PCF11: variants seen among roughly 807,000 people sequenced by gnomAD.
The protein encoded by PCF11 is PCF11 cleavage and polyadenylation factor subunit, also known as pre-mRNA cleavage complex 2 protein Pcf11.
Under a neutral mutation model 166.1 loss-of-function variants are expected in PCF11, and 19 were observed. The ratio of observed to expected loss-of-function variants is 0.11; its 90% CI spans 0.08 to 0.17. The LOEUF is 0.17. PCF11 is among the 10% of genes least tolerant of loss of function. The pLI is 1.00. For missense variants in PCF11, 1,565 were observed against 1,855.5 expected (o/e 0.84, Z 2.88); for synonymous variants, 663 against 644.1 (o/e 1.03, Z -0.44).
intron 9 of PCF11, among the ~76,000 whole-genome samples, chr11:83,175,545 G>C (rs1829976479): frequency 6.6e-6 from 1 of 152,168 alleles, no homozygotes. Context: ...GGAGTCAGGA[G>C]ATCAGGACCA....
At chr11:83,163,000 C>T (rs1204851211) in intron 2 of PCF11, among the ~76,000 whole-genome samples, 1 of 152,156 alleles carries the variant, frequency 6.6e-6, no homozygotes, top group Non-Finnish European at 1.5e-5. Context: ...GTCTTGAACT[C>T]CCTCAGGTGA....
At chr11:83,174,642 TTAGG>T (rs1390268739) in intron 9 of PCF11, among the ~76,000 whole-genome samples, 2 of 152,120 alleles carry the variant, frequency 1.3e-5, no homozygotes, top group African/African-American at 2.4e-5. Flanking sequence ...CATATCAATC[TTAGG>T]TAGGAACTAT....
At chr11:83,184,542 T>C (rs1386444578) in intron 15 of PCF11, 137 bp from the exon 16 acceptor site, 3 of 633,806 alleles carry the variant, frequency 4.7e-6, no homozygotes, top group African/African-American at 3.8e-5. Context: ...GCACATTTTG[T>C]TGGGAGGCAG....
exon 8 of PCF11, chr11:83,168,649 G>A (rs1565155327): frequency 6.2e-7 from 1 of 1,613,794 alleles, no homozygotes; most frequent in Non-Finnish European, 8.5e-7. Context: ...GATTTTTGAA[G>A]GACCCAATAA....
chr11:83,178,694 T>A (rs1000471531), intron 11 of PCF11, among the ~76,000 whole-genome samples: 1 of 151,510 alleles, frequency 6.6e-6, no homozygotes, highest in Non-Finnish European at 1.5e-5. Context: ...GTGCCTGTAG[T>A]CCCAGCTACT....
rs1192988670 is a variant in PCF11, at chr11:83,169,472, C to T, written c.3137C>T (p.Pro1046Leu). ...AGGTTTGATGGGCAGCCAGGTCAGC[C>T]GTCACTCTTGCCAAGATTTGATGGA... Residue 1046 changes from proline (P) to leucine (L), a missense_variant, in exon 8 of 16, where the codon CCG becomes CTG. Physicochemically the swap from Pro to Leu is moderately conservative, Grantham distance 98 (BLOSUM62 -3). Coordinates refer to ENST00000298281, the Ensembl canonical transcript of PCF11. 1.1e-5 allele frequency: 18 copies of T among 1,613,576 alleles called. No individual in the cohort carries two copies. Among genetic ancestry groups the T allele is most frequent in the South Asian group, 7.7e-5 (7 of 91,046 alleles).
rs552045067 is a variant in PCF11 at position 83,169,481 on chromosome 11, T to C, written c.3146T>C (p.Leu1049Ser). 2 of 1,613,690 alleles carry C rather than the reference T, an allele frequency of 1.2e-6. 1 individual carries two copies. The highest frequency in any genetic ancestry group is 2.7e-5 in the African/African-American group (2 of 74,914). ...GGGCAGCCAGGTCAGCCGTCACTCT[T>C]GCCAAGATTTGATGGATTACATGGT... Residue 1049 changes from leucine to serine, a missense_variant, in exon 8 of 16, where the codon TTG becomes TCG. Physicochemically the swap from Leu to Ser is moderately radical, Grantham distance 145. Around this residue, in one of 12 missense-constraint regions of PCF11, gnomAD observed 725 missense variants for 749.3 expected, o/e 0.97. Transcript: ENST00000298281.
chr11:83,161,024 T>C (rs761644861), intron 1 of PCF11, among the ~76,000 whole-genome samples: 7 of 151,534 alleles, frequency 4.6e-5, no homozygotes, highest in African/African-American at 2.4e-5. Context: ...GCCTCCTCCT[T>C]ATTTTTGTCA....
chr11:83,183,792 A>G (rs556363007), intron 15 of PCF11, among the ~76,000 whole-genome samples: 129 of 152,170 alleles, frequency 8.5e-4, no homozygotes, highest in Admixed American at 1.4e-3. Flanking sequence ...GCTCGGCCAA[A>G]ATAGGTATAC....
exon 3 of PCF11, chr11:83,163,815 C>A (rs753763850): frequency 7.6e-6 from 12 of 1,584,880 alleles, no homozygotes; most frequent in African/African-American, 1.4e-5. Context: ...CCTCTACCCC[C>A]CAATGTGAAT....
rs139488940 is a variant in PCF11 at position 83,182,072 on chromosome 11, A to G, written c.4323+63A>G. ...TGTCCCTCACTTCCTTTATGTAAATACTCATAAACACATCACTATATTTAT... is the reference window on the plus strand; with the variant it reads ...TGTCCCTCACTTCCTTTATGTAAATGCTCATAAACACATCACTATATTTAT... On this transcript the variant is annotated intron_variant, in intron 13 of 15. Coordinates refer to ENST00000298281, the Ensembl canonical transcript of PCF11. 616 of 1,221,394 alleles carry G rather than the reference A, an allele frequency of 5.0e-4. 2 individuals carry two copies. In the East Asian group the frequency reaches 6.5e-3, roughly 13 times the overall value. The allele number at this position is 1,221,394 out of a possible 1,614,324, so 75.7% of individuals were successfully genotyped here. A position where few individuals can be genotyped will look rare whatever the true frequency, so the allele number is the denominator to read the frequency against.
In PCF11 at chr11:83,167,870, A is replaced by G; in HGVS notation, c.2092+365A>G. On this transcript the variant is annotated intron_variant, in intron 7 of 15. Transcript: ENST00000298281. This position sits in a 1 kb window ranked among gnomAD's most constrained non-coding sequence, Gnocchi z 4.2. ...ATCTTTCACCCCATGAGGGCCGGAGAAGACATGACGAGCAAGTCTCTGCTA... is the reference window on the plus strand; with the variant it reads ...ATCTTTCACCCCATGAGGGCCGGAGGAGACATGACGAGCAAGTCTCTGCTA... The G allele has an allele frequency of 7.6e-7, 1 of 1,309,286 alleles. No homozygotes were observed. The highest frequency in any genetic ancestry group is 1.0e-6 in the Non-Finnish European group (1 of 1,002,436). The allele number at this position is 1,309,286 out of a possible 1,614,324, so 81.1% of individuals were successfully genotyped here. A position where few individuals can be genotyped will look rare whatever the true frequency, so the allele number is the denominator to read the frequency against.
chr11:83,163,237 ATTAG>A (rs1860324442), intron 2 of PCF11, among the ~76,000 whole-genome samples: 1 of 152,250 alleles, frequency 6.6e-6, no homozygotes, highest in African/African-American at 2.4e-5. Context: ...ATTGCTGAGC[ATTAG>A]TTAGTGAGAT....
chr11:83,182,122 C>T (rs1861106168), intron 13 of PCF11, 113 bp downstream of exon 13: 1 of 915,776 alleles, frequency 1.1e-6, no homozygotes, highest in Admixed American at 3.5e-5. Context: ...GATTTTAAGA[C>T]TTCTTGAAAG....
At chr11:83,182,130 A>G (rs1861106554) in intron 13 of PCF11, 121 bp downstream of exon 13, 1 of 863,256 alleles carries the variant, frequency 1.2e-6, no homozygotes, top group African/African-American at 1.7e-5. Flanking sequence ...GACTTCTTGA[A>G]AGCTCTACTC....
intron 11 of PCF11, among the ~76,000 whole-genome samples, chr11:83,179,562 T>G (rs896372739): frequency 1.0e-3 from 155 of 152,068 alleles, no homozygotes; most frequent in African/African-American, 3.5e-3. Context: ...TACACATAAT[T>G]TTCTGTTTCT....
At position 83,177,211 on chromosome 11, in the gene PCF11, G is replaced by A; in HGVS notation, c.3877+7G>A. ...ACTGATTCAGCTACAACACGTAAGT[G>A]TGATTTTATACTTAAATTTACACAA... On this transcript the variant is annotated splice_region_variant and intron_variant, in intron 10 of 15. Coordinates refer to ENST00000298281, the Ensembl canonical transcript of PCF11. The A allele has an allele frequency of 6.5e-7, 1 of 1,528,432 alleles. No individual in the cohort carries two copies. Among genetic ancestry groups the A allele is most frequent in the African/African-American group, 1.4e-5 (1 of 71,930 alleles). The allele number at this position is 1,528,432 out of a possible 1,614,324, so 94.7% of individuals were successfully genotyped here.
exon 13 of PCF11, chr11:83,181,967 A>G: frequency 1.9e-6 from 3 of 1,612,596 alleles, no homozygotes; most frequent in Non-Finnish European, 2.5e-6. Context: ...CTAAAGAAAA[A>G]GAGTTCCAAA....
At chr11:83,171,251 A>G (rs1036104774) in intron 8 of PCF11, 10 of 451,522 alleles carry the variant, frequency 2.2e-5, no homozygotes, top group Non-Finnish European at 4.4e-5. Context: ...TAATGTGGCT[A>G]TAACCATGTG....
Sources: allele counts gnomAD v4.1 joint callset (sites outside exome capture counted in the v4.1 genomes callset), GRCh38; gene constraint gnomAD v4.1.1; regional missense constraint gnomAD v4.1.1; non-coding constraint Gnocchi (gnomAD v3.1); transcripts MANE v1.5; gene names NCBI Gene and HGNC (gene_info 2026-07-23, HGNC 2026-07-21).